The following MAP7 variants were observed in gnomAD, a reference collection of about 807,000 sequenced individuals.
MAP7 encodes ensconsin.
In MAP7, 52 loss-of-function variants were observed where a neutral mutation model predicts 94.8. That is an observed-to-expected ratio of 0.55 (90% confidence interval 0.44 to 0.69). The LOEUF is 0.69. Ranked by LOEUF, MAP7 falls within the 30% of genes least tolerant of loss-of-function variation. MAP7 has a pLI of 0.00. For missense variants in MAP7, 940 were observed against 964.6 expected, an observed-to-expected ratio of 0.97 and a Z score of 0.34; for synonymous variants, 350 against 357.0, an observed-to-expected ratio of 0.98 and a Z score of 0.22.
intron 3 of MAP7, among the ~76,000 whole-genome samples, chr6:136,397,543 C>T (rs1782851211): frequency 6.6e-6 from 1 of 150,448 alleles, no homozygotes; most frequent in Non-Finnish European, 1.5e-5. Flanking sequence ...AGCCCTAACC[C>T]CCAAGGTAAA....
chr6:136,456,779 A>C (rs1383815487), intron 1 of MAP7, among the ~76,000 whole-genome samples: 2 of 69,402 alleles, frequency 2.9e-5, no homozygotes, highest in African/African-American at 8.8e-5. Flanking sequence ...AAGAAGAAGA[A>C]GAAGAAGAAG....
At chr6:136,482,600 C>CAAA (rs372638079) in intron 1 of MAP7, among the ~76,000 whole-genome samples, 1 of 120,318 alleles carries the variant, frequency 8.3e-6, no homozygotes, top group Non-Finnish European at 1.8e-5. Context: ...GGCTCCATCT[C>CAAA]AAAAAAAAAA....
intron 16 of MAP7, among the ~76,000 whole-genome samples, chr6:136,353,717 C>G (rs1482531297): frequency 6.6e-6 from 1 of 152,052 alleles, no homozygotes. Flanking sequence ...CCATGCCTGG[C>G]TAATTTTTGT....
intron 1 of MAP7, among the ~76,000 whole-genome samples, chr6:136,522,130 G>C (rs1485689240): frequency 6.6e-6 from 1 of 152,138 alleles, no homozygotes; most frequent in Non-Finnish European, 1.5e-5. Context: ...TTTGCCTTGA[G>C]ACCTATCCAA....
intron 1 of MAP7, among the ~76,000 whole-genome samples, chr6:136,465,454 GA>G: frequency 6.6e-6 from 1 of 152,040 alleles, no homozygotes; most frequent in Non-Finnish European, 1.5e-5. Context: ...TACTTGAAAA[GA>G]TATGTAAACA....
chr6:136,546,917 A>G (rs1288430036), intron 1 of MAP7, among the ~76,000 whole-genome samples: 1 of 152,184 alleles, frequency 6.6e-6, no homozygotes, highest in Non-Finnish European at 1.5e-5. Flanking sequence ...ATATTACATA[A>G]ATGCATGCTC....
intron 1 of MAP7, among the ~76,000 whole-genome samples, chr6:136,489,035 G>GT (rs1305940954): frequency 6.6e-6 from 1 of 152,060 alleles, no homozygotes. Flanking sequence ...GACTACAGAG[G>GT]TGCCCACCAC....
chr6:136,503,813 AAACT>A (rs1280046363), intron 1 of MAP7, among the ~76,000 whole-genome samples: 1 of 152,252 alleles, frequency 6.6e-6, no homozygotes, highest in Non-Finnish European at 1.5e-5. Flanking sequence ...TATGCTGATC[AAACT>A]ATTTCGGAAG....
At position 136,343,884 on chromosome 6, in the gene MAP7, TAAGACCAAAA is replaced by T. The variant is rs575121610; in HGVS notation, c.*334_*343del. On this transcript the variant is annotated 3_prime_UTR_variant, in exon 18 of 18. Coordinates refer to ENST00000354570, the MANE Select transcript of MAP7 (RefSeq NM_003980.6). ...TTGCCAATTTTACATGTTAAGCTTT[TAAGACCAAAA>T]AAATCATGCCTAGTCAGCCCATTTC... The T allele has an allele frequency of 7.1e-4, 123 of 173,494 alleles. No homozygotes were observed. Among genetic ancestry groups the T allele is most frequent in the Admixed American group, 1.4e-3 (23 of 15,994 alleles). 10.7% of individuals were successfully genotyped at this position (173,494 alleles called of 1,614,324 possible).
chr6:136,438,229 G>C (rs78214951), intron 1 of MAP7, among the ~76,000 whole-genome samples: 1 of 152,200 alleles, frequency 6.6e-6, no homozygotes, highest in Non-Finnish European at 1.5e-5. Flanking sequence ...ACCATTTATC[G>C]TAATAGGCAT....
At chr6:136,504,911 C>T (rs1393656204) in intron 1 of MAP7, among the ~76,000 whole-genome samples, 1 of 151,910 alleles carries the variant, frequency 6.6e-6, no homozygotes, top group African/African-American at 2.4e-5. Context: ...AAATACTGAC[C>T]TCAGGTGATC....
chr6:136,525,836 T>C (rs1279957392), intron 1 of MAP7: 1 of 1,534,800 alleles, frequency 6.5e-7, no homozygotes, highest in Non-Finnish European at 8.7e-7. Context: ...GCATACCTTT[T>C]GGTCTTCTGG....
rs3799437 is a variant in MAP7 at position 136,471,047 on chromosome 6, T to C, written c.68-49248A>G. On this transcript the variant is annotated intron_variant, in intron 1 of 17. Coordinates refer to ENST00000354570, the MANE Select transcript of MAP7 (RefSeq NM_003980.6). ...TAAATGCTGGGGAGCTTGGCTATTG[T>C]TATTTTAACAGGCAAATGCTGAGAA... 1.5e-3 allele frequency among the ~76,000 whole-genome samples: 236 copies of C among 152,346 alleles called. 10 individuals are homozygous for C. In the East Asian group the frequency reaches 0.043, roughly 28 times the overall value.
chr6:136,369,913 T>C (rs1451759772), intron 8 of MAP7, among the ~76,000 whole-genome samples: 1 of 152,082 alleles, frequency 6.6e-6, no homozygotes, highest in Non-Finnish European at 1.5e-5. Context: ...GTCAATAAAT[T>C]AACAATAAAC....
intron 1 of MAP7, among the ~76,000 whole-genome samples, chr6:136,478,111 T>C (rs1472365918): frequency 6.6e-6 from 1 of 152,044 alleles, no homozygotes; most frequent in African/African-American, 2.4e-5. Context: ...TGCAAACACA[T>C]TATACCAAAA....
chr6:136,456,636 C>A (rs1802941948), intron 1 of MAP7, among the ~76,000 whole-genome samples: 1 of 150,596 alleles, frequency 6.6e-6, no homozygotes, highest in South Asian at 2.1e-4. Flanking sequence ...TATGCTATAG[C>A]ATTTCGGCCT....
intron 3 of MAP7, among the ~76,000 whole-genome samples, chr6:136,399,599 C>T (rs1400636020): frequency 6.6e-6 from 1 of 152,126 alleles, no homozygotes; most frequent in Non-Finnish European, 1.5e-5. Context: ...AGCAATCCTC[C>T]TGCCTTGGCC....
At chr6:136,363,952 C>T (rs531617491) in intron 10 of MAP7, among the ~76,000 whole-genome samples, 1 of 152,344 alleles carries the variant, frequency 6.6e-6, no homozygotes, top group South Asian at 2.1e-4. Flanking sequence ...AACCAAGGGT[C>T]TGTATGTCAA....
At chr6:136,438,074 C>T (rs755546705) in intron 1 of MAP7, among the ~76,000 whole-genome samples, 33 of 152,236 alleles carry the variant, frequency 2.2e-4, no homozygotes, top group Non-Finnish European at 4.3e-4. Context: ...AAAGAAATAA[C>T]TCCACCACAC....
Sources: allele counts gnomAD v4.1 joint callset (sites outside exome capture counted in the v4.1 genomes callset), GRCh38; gene constraint gnomAD v4.1.1; transcripts MANE v1.5; gene names NCBI Gene and HGNC (gene_info 2026-07-23, HGNC 2026-07-21).